Variants in PKP1 observed in about 807,000 individuals in gnomAD.
The protein encoded by PKP1 is plakophilin-1.
A neutral mutation model predicts 76.4 loss-of-function variants in PKP1; 27 were observed. That is an observed-to-expected ratio of 0.35 (90% CI 0.26 to 0.49). The LOEUF (loss-of-function observed/expected upper bound fraction) is 0.49, where lower values mean the gene tolerates loss of function less well. Among genes scored for constraint, PKP1 ranks in the 20% least tolerant of loss-of-function variants. PKP1 has a pLI of 0.99. For missense variants in PKP1, 964 were observed against 955.2 expected (o/e 1.01, Z -0.12); for synonymous variants, 404 against 384.2 (o/e 1.05, Z -0.60).
Position 201,324,843 on chromosome 1 carries a change from G to T in PKP1, c.1835-98G>T, listed in dbSNP as rs1172331443. On this transcript the variant is annotated intron_variant, in intron 10 of 13. Coordinates refer to ENST00000367324, the MANE Select transcript of PKP1 (RefSeq NM_001005337.3). ...CTGAGGGCCACCTGGCTCAGAGCCCGGCAGAAGGCTATCGAAGAGTGTGGC... is the reference window on the plus strand; with the variant it reads ...CTGAGGGCCACCTGGCTCAGAGCCCTGCAGAAGGCTATCGAAGAGTGTGGC... The T allele has an allele frequency of 1.5e-5, 19 of 1,274,672 alleles. No homozygotes were observed. The South Asian group carries it at 2.6e-4, about 17-fold the overall frequency. 79.0% of individuals were successfully genotyped at this position (1,274,672 alleles called of 1,614,324 possible).
chr1:201,321,076 G>C (rs965990619), intron 7 of PKP1, among the ~76,000 whole-genome samples: 14 of 152,278 alleles, frequency 9.2e-5, no homozygotes, highest in African/African-American at 3.1e-4. Flanking sequence ...GCAGGCTCCA[G>C]ATCGCCAGGG....
intron 9 of PKP1, 62 bp downstream of exon 9, chr1:201,323,251 TG>T: frequency 6.6e-7 from 1 of 1,503,992 alleles, no homozygotes. Flanking sequence ...GTCCAGCCTC[TG>T]CTCCCTCCTT....
intron 2 of PKP1, 75 bp downstream of exon 2, chr1:201,294,120 G>T (rs542991420): frequency 4.1e-6 from 4 of 965,598 alleles, no homozygotes; most frequent in Admixed American, 1.9e-5. Context: ...GGAGAAAACC[G>T]GCACCAGTTG....
At chr1:201,322,879 C>T in intron 8 of PKP1, 134 bp from the exon 9 acceptor site, 1 of 872,194 alleles carries the variant, frequency 1.1e-6, no homozygotes, top group Admixed American at 2.1e-5. Context: ...GGCCCCCTGC[C>T]TCTGCAGGCG....
At chr1:201,322,800 T>C (rs1656987583) in intron 8 of PKP1, among the ~76,000 whole-genome samples, 1 of 152,194 alleles carries the variant, frequency 6.6e-6, no homozygotes. Context: ...TGGGGGACCA[T>C]GGCCCATTCC....
chr1:201,303,082 G>A (rs554636353), intron 2 of PKP1, among the ~76,000 whole-genome samples: 62 of 152,306 alleles, frequency 4.1e-4, no homozygotes, highest in African/African-American at 1.4e-3. Context: ...CCAGACATTC[G>A]TCATTTGCAT....
At chr1:201,303,606 TTTTG>T (rs547135357) in intron 2 of PKP1, among the ~76,000 whole-genome samples, 133 of 152,328 alleles carry the variant, frequency 8.7e-4, no homozygotes, top group African/African-American at 2.8e-3. Context: ...AGTTTTATTT[TTTTG>T]TTTGTTTGTT....
At chr1:201,323,274 C>T in intron 9 of PKP1, 85 bp downstream of exon 9, 1 of 1,353,854 alleles carries the variant, frequency 7.4e-7, no homozygotes, top group Non-Finnish European at 1.0e-6. Context: ...TCCCCCCAGC[C>T]TGTCCCCTGA....
chr1:201,311,802 T>C (rs976532952), intron 2 of PKP1, among the ~76,000 whole-genome samples: 1 of 152,152 alleles, frequency 6.6e-6, no homozygotes, highest in Non-Finnish European at 1.5e-5. Context: ...TGTGGAGATG[T>C]TTTTTTATCA....
At chr1:201,329,488 G>A (rs1044380039) in intron 13 of PKP1, among the ~76,000 whole-genome samples, 1 of 152,220 alleles carries the variant, frequency 6.6e-6, no homozygotes, top group Non-Finnish European at 1.5e-5. Context: ...TTTTAAACAA[G>A]CGTCTAAAGT....
intron 6 of PKP1, among the ~76,000 whole-genome samples, chr1:201,319,389 A>G (rs568549944): frequency 1.4e-4 from 21 of 152,320 alleles, no homozygotes; most frequent in Non-Finnish European, 2.9e-4. Flanking sequence ...ACCCTGGAGC[A>G]GGATCCCTTT....
At chr1:201,321,933 C>A (rs201647919) in intron 7 of PKP1, 45 bp from the exon 8 acceptor site, 2 of 1,610,794 alleles carry the variant, frequency 1.2e-6, no homozygotes, top group Middle Eastern at 1.7e-4. Context: ...AGGAGCCTGT[C>A]GGGCCGGGCA....
chr1:201,323,472 T>C (rs530454229), intron 9 of PKP1, among the ~76,000 whole-genome samples: 1 of 152,308 alleles, frequency 6.6e-6, no homozygotes, highest in African/African-American at 2.4e-5. Flanking sequence ...GCTGGCCTCC[T>C]GGGCTCTGCT....
At chr1:201,324,374 C>G (rs1657043902) in intron 9 of PKP1, 54 bp from the exon 10 acceptor site, 1 of 1,553,214 alleles carries the variant, frequency 6.4e-7, no homozygotes, top group African/African-American at 1.4e-5. Flanking sequence ...TTTCTGCCTG[C>G]CATGGTGCCT....
At position 201,330,489 on chromosome 1, in the gene PKP1, T is replaced by C. The variant is rs925402795; in HGVS notation, c.*448T>C. 14 of 152,214 alleles carry C rather than the reference T, an allele frequency of 9.2e-5. No homozygotes were observed. Among genetic ancestry groups the C allele is most frequent in the African/African-American group, 3.4e-4 (14 of 41,450 alleles). 9.4% of individuals were successfully genotyped at this position (152,214 alleles called of 1,614,324 possible). A position where few individuals can be genotyped will look rare whatever the true frequency, so the allele number is the denominator to read the frequency against. ...AGGACTCTCCTGTGTTTCTTACTCA[T>C]AGGCAAGGACAACATGTGCTTTTTG... On this transcript the variant is annotated 3_prime_UTR_variant, in exon 14 of 14. Coordinates refer to ENST00000367324, the MANE Select transcript of PKP1 (RefSeq NM_001005337.3).
intron 9 of PKP1, 150 bp downstream of exon 9, chr1:201,323,339 G>C: frequency 2.7e-6 from 2 of 742,456 alleles, no homozygotes; most frequent in Non-Finnish European, 4.6e-6. Context: ...CTCTGGGCTG[G>C]GCAATGGGGA....
intron 2 of PKP1, among the ~76,000 whole-genome samples, chr1:201,311,160 CT>C (rs1656539766): frequency 6.6e-6 from 1 of 152,246 alleles, no homozygotes; most frequent in Non-Finnish European, 1.5e-5. Flanking sequence ...GGGCTTCCCC[CT>C]CCATGTTGTC....
At chr1:201,299,251 T>C (rs2102159666) in intron 2 of PKP1, among the ~76,000 whole-genome samples, 1 of 152,356 alleles carries the variant, frequency 6.6e-6, no homozygotes, top group South Asian at 2.1e-4. Flanking sequence ...GCTCCTTAAC[T>C]AGCTGTGTGA....
At chr1:201,323,532 A>G (rs534503387) in intron 9 of PKP1, among the ~76,000 whole-genome samples, 196 of 152,236 alleles carry the variant, frequency 1.3e-3, no homozygotes, top group Non-Finnish European at 2.1e-3. Flanking sequence ...GGAGTTTCCC[A>G]TTTGTTGAAC....
Sources: allele counts gnomAD v4.1 joint callset (sites outside exome capture counted in the v4.1 genomes callset), GRCh38; gene constraint gnomAD v4.1.1; transcripts MANE v1.5; gene names NCBI Gene and HGNC (gene_info 2026-07-23, HGNC 2026-07-21).